Variants in SLCO1C1 observed in about 807,000 individuals in gnomAD.
The protein encoded by SLCO1C1 is solute carrier organic anion transporter family member 1C1.
SLCO1C1 carries 70 observed loss-of-function variants against 76.4 expected under a neutral mutation model. The observed-to-expected ratio is 0.92, with a 90% CI of 0.76 to 1.12. SLCO1C1 has a LOEUF of 1.12. Among genes scored for constraint, SLCO1C1 ranks in the 50% most tolerant of loss-of-function variants. The pLI, the probability that SLCO1C1 is intolerant of heterozygous loss-of-function variation, is 0.00. For missense variants in SLCO1C1, 912 were observed against 823.8 expected, an observed-to-expected ratio of 1.11 and a Z score of -1.31; for synonymous variants, 306 against 286.1, an observed-to-expected ratio of 1.07 and a Z score of -0.70.
chr12:20,721,927 C>T lies in SLCO1C1; in HGVS notation c.899C>T (p.Pro300Leu), dbSNP rs776000181. Residue 300 changes from proline (P) to leucine (L), a missense_variant, in exon 8 of 15, where the codon CCA becomes CTA. Pro to Leu is a moderately conservative substitution (Grantham distance 98, BLOSUM62 -3). Coordinates refer to ENST00000266509, the MANE Select transcript of SLCO1C1 (RefSeq NM_017435.5). The part of the protein sequence containing the change: ...VPFWYLPKSL[P>L]RSQSREDSNS... ...TTCTGGTATTTACCAAAGAGTTTACCAAGATCCCAAAGTAGAGAGGATTCT... is the reference window on the plus strand; with the variant it reads ...TTCTGGTATTTACCAAAGAGTTTACTAAGATCCCAAAGTAGAGAGGATTCT... 6.2e-7 allele frequency: 1 copy of T among 1,614,030 alleles called. No individual in the cohort carries two copies.
chr12:20,700,984 A>G (rs1300835441), intron 2 of SLCO1C1, among the ~76,000 whole-genome samples: 2 of 152,034 alleles, frequency 1.3e-5, no homozygotes, highest in Non-Finnish European at 2.9e-5. Flanking sequence ...CTTACCAATG[A>G]ATGTCTCACC....
chr12:20,732,342 A>G (rs1948316884), intron 9 of SLCO1C1, among the ~76,000 whole-genome samples: 1 of 152,130 alleles, frequency 6.6e-6, no homozygotes, highest in Non-Finnish European at 1.5e-5. Context: ...CCTGCTCTTA[A>G]GGTTGTGGGG....
chr12:20,749,905 T>G (rs570724002), intron 13 of SLCO1C1, among the ~76,000 whole-genome samples: 44 of 152,214 alleles, frequency 2.9e-4, no homozygotes, highest in Admixed American at 5.2e-4. Context: ...GAGTGTGTAT[T>G]AAGAATGTGA....
chr12:20,722,491 C>A (rs138943496), intron 8 of SLCO1C1, among the ~76,000 whole-genome samples: 30 of 152,130 alleles, frequency 2.0e-4, no homozygotes, highest in Non-Finnish European at 4.1e-4. Context: ...CTAATGAACC[C>A]CCTTCATGGA....
At chr12:20,725,164 T>C (rs929529433) in intron 9 of SLCO1C1, among the ~76,000 whole-genome samples, 55 of 128,792 alleles carry the variant, frequency 4.3e-4, no homozygotes, top group African/African-American at 1.7e-3. Flanking sequence ...ATTTTTATAA[T>C]TATTATTTAT....
At chr12:20,742,164 C>T (rs1184095310) in intron 12 of SLCO1C1, among the ~76,000 whole-genome samples, 3 of 152,108 alleles carry the variant, frequency 2.0e-5, no homozygotes, top group Non-Finnish European at 2.9e-5. Flanking sequence ...AAACATTGAC[C>T]TAGACTTTCC....
chr12:20,735,243 A>T (rs1948484425), intron 10 of SLCO1C1, among the ~76,000 whole-genome samples: 1 of 152,242 alleles, frequency 6.6e-6, no homozygotes, highest in Non-Finnish European at 1.5e-5. Flanking sequence ...CTTAGATATG[A>T]TAATGGAAGA....
chr12:20,740,133 C>T, intron 11 of SLCO1C1, 51 bp from the exon 12 acceptor site: 2 of 1,489,354 alleles, frequency 1.3e-6, no homozygotes, highest in Non-Finnish European at 9.1e-7. Flanking sequence ...CTGTCTTTAA[C>T]TTTATTTAAA....
At chr12:20,712,078 C>G (rs762189883) in intron 5 of SLCO1C1, among the ~76,000 whole-genome samples, 2 of 152,152 alleles carry the variant, frequency 1.3e-5, no homozygotes, top group African/African-American at 2.4e-5. Flanking sequence ...TTTGGTCATA[C>G]TTGTCAGCAT....
intron 9 of SLCO1C1, among the ~76,000 whole-genome samples, chr12:20,730,760 A>C (rs1202576601): frequency 6.6e-6 from 1 of 152,220 alleles, no homozygotes; most frequent in African/African-American, 2.4e-5. Context: ...TCAAATAAAA[A>C]CAGATGAAAC....
At position 20,713,304 on chromosome 12, in the gene SLCO1C1, C is replaced by A. The variant is rs372991243; in HGVS notation, c.529+1794C>A. Reference sequence around the variant, plus strand: ...CCTTGTTAGCCAGGATGGTCTCGATCTCCTGACCTCGTGATCCGCCCGCCT... The same window carrying A: ...CCTTGTTAGCCAGGATGGTCTCGATATCCTGACCTCGTGATCCGCCCGCCT... On this transcript the variant is annotated intron_variant, in intron 5 of 14. Transcript: ENST00000266509. Among the ~76,000 whole-genome samples, 23 of 152,148 alleles carry A rather than the reference C, an allele frequency of 1.5e-4. No individual in the cohort carries two copies. The East Asian group carries it at 2.3e-3, about 15-fold the overall frequency.
chr12:20,722,038 A>G lies in SLCO1C1; in HGVS notation c.1010A>G (p.Glu337Gly). ...TPQGENAKIM[E>G]MARDFLPSLK... ...CAGGGAGAAAATGCAAAAATAATGG[A>G]AATGGCAAGAGGTAAGTCAAATTCT... The change falls in exon 8 of 15, where the codon GAA becomes GGA. Residue 337 changes from glutamate to glycine, a missense_variant. Physicochemically the swap from Glu to Gly is moderately conservative, Grantham distance 98 (BLOSUM62 -2). Transcript: ENST00000266509. 1 of 1,613,296 alleles carries G rather than the reference A, an allele frequency of 6.2e-7. No homozygotes were observed. The highest frequency in any genetic ancestry group is 1.1e-5 in the South Asian group (1 of 91,018).
chr12:20,749,543 A>C (rs1179404731), intron 13 of SLCO1C1, among the ~76,000 whole-genome samples: 1 of 152,250 alleles, frequency 6.6e-6, no homozygotes. Flanking sequence ...AAGTCTACAC[A>C]GACTAAATAA....
In SLCO1C1 at chr12:20,752,749, ATTATT is replaced by A; in HGVS notation, c.*226_*230del. The A allele has an allele frequency of 3.0e-6, 1 of 334,904 alleles. No homozygotes were observed. The allele number at this position is 334,904 out of a possible 1,614,324, so 20.7% of individuals were successfully genotyped here. ...ATTTTGAACTTTTTAATTTATATAA[ATTATT>A]TTATATCACTTACTTATTTCACTTT... On this transcript the variant is annotated 3_prime_UTR_variant, in exon 15 of 15. Coordinates refer to ENST00000266509, the MANE Select transcript of SLCO1C1 (RefSeq NM_017435.5).
In SLCO1C1 at chr12:20,750,872, T is replaced by G. The variant is rs1313638425; in HGVS notation, c.1916+80T>G. ...CAATGCCACTGACACTAACAAGTTT[T>G]CATGTCATTTCACTGCTTGTAAGGT... is the stretch of plus-strand genomic sequence containing the variant. On this transcript the variant is annotated intron_variant, in intron 14 of 14. Transcript: ENST00000266509. 4.3e-6 allele frequency: 7 copies of G among 1,613,706 alleles called. No individual in the cohort carries two copies. The highest frequency in any genetic ancestry group is 5.9e-6 in the Non-Finnish European group (7 of 1,179,768).
chr12:20,718,454 CTT>C (rs1338601162), intron 7 of SLCO1C1, among the ~76,000 whole-genome samples: 1 of 152,116 alleles, frequency 6.6e-6, no homozygotes, highest in East Asian at 1.9e-4. Context: ...CAAAAACAAA[CTT>C]TTTATGACGA....
chr12:20,718,761 T>C (rs528264816), intron 7 of SLCO1C1, among the ~76,000 whole-genome samples: 7 of 152,286 alleles, frequency 4.6e-5, no homozygotes, highest in African/African-American at 1.7e-4. Context: ...TGGGTTGCCT[T>C]CCTCTTACCA....
chr12:20,734,808 G>C (rs1346548070), intron 10 of SLCO1C1, among the ~76,000 whole-genome samples: 1 of 152,172 alleles, frequency 6.6e-6, no homozygotes, highest in Non-Finnish European at 1.5e-5. Context: ...GAGTCACCTT[G>C]AAAGACTATA....
Position 20,728,083 on chromosome 12 carries a change from T to G in SLCO1C1, c.1187-4826T>G, listed in dbSNP as rs553944322. Among the ~76,000 whole-genome samples, 114 of 152,302 alleles carry G rather than the reference T, an allele frequency of 7.5e-4. 1 individual carries two copies. Among genetic ancestry groups the G allele is most frequent in the African/African-American group, 2.7e-3 (111 of 41,588 alleles). On this transcript the variant is annotated intron_variant, in intron 9 of 14. Coordinates refer to ENST00000266509, the MANE Select transcript of SLCO1C1 (RefSeq NM_017435.5). ...CTTTTGAGGACAAAGACATAAATTC[T>G]TTGCCGAGTGTGATACTGAGAAGGG...
Sources: allele counts gnomAD v4.1 joint callset (sites outside exome capture counted in the v4.1 genomes callset), GRCh38; gene constraint gnomAD v4.1.1; transcripts MANE v1.5; gene names NCBI Gene and HGNC (gene_info 2026-07-23, HGNC 2026-07-21).